SH2D4A: variants seen among roughly 807,000 people sequenced by gnomAD.
SH2D4A encodes the protein SH2 domain-containing protein 4A.
A neutral mutation model predicts 64.7 loss-of-function variants in SH2D4A; 70 were observed. The ratio of observed to expected loss-of-function variants is 1.08; its 90% CI spans 0.89 to 1.32. The LOEUF (loss-of-function observed/expected upper bound fraction) is 1.32, where lower values mean the gene tolerates loss of function less well. Among genes scored for constraint, SH2D4A ranks in the 40% most tolerant of loss-of-function variants. SH2D4A has a pLI of 0.00. For synonymous variants in SH2D4A, 268 were observed against 200.7 expected (o/e 1.34, Z -2.83); for missense variants, 706 against 540.1 (o/e 1.31, Z -3.04).
chr8:19,334,739 A>C lies in SH2D4A; in HGVS notation c.395A>C (p.His132Pro), dbSNP rs144376150. 1.2e-6 allele frequency: 2 copies of C among 1,614,016 alleles called. No homozygotes were observed. Among genetic ancestry groups the C allele is most frequent in the Non-Finnish European group, 1.7e-6 (2 of 1,179,980 alleles). Residue 132 changes from histidine (H) to proline (P), a missense_variant, in exon 4 of 10, where the codon CAT becomes CCT. Coordinates refer to ENST00000265807, the MANE Select transcript of SH2D4A (RefSeq NM_022071.4). ...TNSLKTKSQYHDLQAPDNQQT... is the reference protein window; with the variant it reads ...TNSLKTKSQYPDLQAPDNQQT... Reference sequence around the variant, plus strand: ...AGCTTGAAAACAAAATCACAGTACCATGATCTGCAGGCTCCGGATAACCAG... The same window carrying C: ...AGCTTGAAAACAAAATCACAGTACCCTGATCTGCAGGCTCCGGATAACCAG...
intron 4 of SH2D4A, among the ~76,000 whole-genome samples, chr8:19,344,701 G>A (rs953139038): frequency 1.5e-4 from 23 of 152,168 alleles, no homozygotes; most frequent in Non-Finnish European, 2.8e-4. Flanking sequence ...ACCCCTGTAG[G>A]CTGTCGGGTC....
chr8:19,354,427 G>T (rs1164185994), intron 4 of SH2D4A, among the ~76,000 whole-genome samples: 1 of 152,200 alleles, frequency 6.6e-6, no homozygotes, highest in Non-Finnish European at 1.5e-5. Flanking sequence ...ATGAGTGGAT[G>T]GTGTTGGCAG....
chr8:19,314,084 G>A (rs2052043995), intron 1 of SH2D4A: 2 of 1,190,768 alleles, frequency 1.7e-6, no homozygotes, highest in Non-Finnish European at 1.0e-6. Context: ...GGCTAGGTGA[G>A]CGGCGGTCCC....
chr8:19,333,286 C>A (rs374069109), intron 3 of SH2D4A, among the ~76,000 whole-genome samples, 172 bp downstream of exon 3: 1 of 152,062 alleles, frequency 6.6e-6, no homozygotes, highest in Non-Finnish European at 1.5e-5. Flanking sequence ...GGTCTAAAGA[C>A]CTTTTGGATC....
intron 7 of SH2D4A, among the ~76,000 whole-genome samples, chr8:19,364,932 A>G (rs972859934): frequency 3.3e-5 from 5 of 152,184 alleles, no homozygotes; most frequent in Admixed American, 1.3e-4. Flanking sequence ...GAAAAGTGCA[A>G]TGATGCTATT....
At chr8:19,338,012 T>C (rs1398148335) in intron 4 of SH2D4A, among the ~76,000 whole-genome samples, 1 of 152,224 alleles carries the variant, frequency 6.6e-6, no homozygotes, top group African/African-American at 2.4e-5. Flanking sequence ...GGCATAGCCC[T>C]GCACAGCCTT....
chr8:19,331,126 CT>C, intron 2 of SH2D4A, among the ~76,000 whole-genome samples: 1 of 152,186 alleles, frequency 6.6e-6, no homozygotes, highest in Non-Finnish European at 1.5e-5. Context: ...GGAGTGTCCA[CT>C]GTACCAAGAA....
rs567333972 is a variant in SH2D4A at position 19,362,372 on chromosome 8, C to T, written c.706+1058C>T. Among the ~76,000 whole-genome samples, 4 of 152,298 alleles carry T rather than the reference C, an allele frequency of 2.6e-5. No individual in the cohort carries two copies. In the South Asian group the frequency reaches 8.3e-4, roughly 32 times the overall value. Reference sequence around the variant, plus strand: ...ATTTTTACATTCTGCATTTGAGTCTCATTGCTATAACAAAAAATTCTGTTT... The same window carrying T: ...ATTTTTACATTCTGCATTTGAGTCTTATTGCTATAACAAAAAATTCTGTTT... On this transcript the variant is annotated intron_variant, in intron 6 of 9. Coordinates refer to ENST00000265807, the MANE Select transcript of SH2D4A (RefSeq NM_022071.4).
chr8:19,356,102 G>T (rs540425579), intron 4 of SH2D4A, among the ~76,000 whole-genome samples: 1 of 152,310 alleles, frequency 6.6e-6, no homozygotes, highest in African/African-American at 2.4e-5. Context: ...CCCAAAGGAA[G>T]GTGGAAGTGG....
At chr8:19,335,318 T>C (rs2052430307) in intron 4 of SH2D4A, among the ~76,000 whole-genome samples, 1 of 151,904 alleles carries the variant, frequency 6.6e-6, no homozygotes, top group South Asian at 2.1e-4. Flanking sequence ...ATCCTCTTGC[T>C]CATGTCACTT....
At chr8:19,344,827 A>G (rs1044402558) in intron 4 of SH2D4A, among the ~76,000 whole-genome samples, 5 of 152,196 alleles carry the variant, frequency 3.3e-5, no homozygotes, top group Admixed American at 1.3e-4. Context: ...ACTATGTAAT[A>G]TATAATGCCT....
chr8:19,393,920 C>G (rs1371482426), intron 9 of SH2D4A, among the ~76,000 whole-genome samples: 1 of 152,150 alleles, frequency 6.6e-6, no homozygotes, highest in Non-Finnish European at 1.5e-5. Context: ...GATTTAAGCA[C>G]ATTACATTGA....
intron 1 of SH2D4A, among the ~76,000 whole-genome samples, chr8:19,317,490 A>G (rs2052109484): frequency 1.0e-5 from 1 of 95,584 alleles, no homozygotes; most frequent in Non-Finnish European, 2.3e-5. Context: ...GGTTGCAGTC[A>G]GTAGGGATAG....
At chr8:19,381,764 T>C (rs960887623) in intron 8 of SH2D4A, among the ~76,000 whole-genome samples, 1 of 152,200 alleles carries the variant, frequency 6.6e-6, no homozygotes, top group Non-Finnish European at 1.5e-5. Context: ...ATAAGTATGA[T>C]GTTTGCTGTG....
intron 4 of SH2D4A, among the ~76,000 whole-genome samples, chr8:19,345,114 G>T (rs540679387): frequency 6.6e-6 from 1 of 152,162 alleles, no homozygotes; most frequent in African/African-American, 2.4e-5. Context: ...CTTTTAAATT[G>T]TTTAGTGATC....
At chr8:19,314,280 C>A (rs1243325525) in intron 1 of SH2D4A, among the ~76,000 whole-genome samples, 1 of 152,164 alleles carries the variant, frequency 6.6e-6, no homozygotes, top group Admixed American at 6.5e-5. Context: ...AGCAGGAGCA[C>A]GTCCTCGACT....
In SH2D4A at chr8:19,357,292, C is replaced by A. The variant is rs752720623; in HGVS notation, c.594+9C>A. On this transcript the variant is annotated intron_variant, in intron 5 of 9. Coordinates refer to ENST00000265807, the MANE Select transcript of SH2D4A (RefSeq NM_022071.4). Reference sequence around the variant, plus strand: ...CATATGCATTTCACCAGGTAAAAGACTTCCCTTCTGTCCTCCGGGGGCTGC... The same window carrying A: ...CATATGCATTTCACCAGGTAAAAGAATTCCCTTCTGTCCTCCGGGGGCTGC... 1.6e-5 allele frequency: 26 copies of A among 1,602,952 alleles called. No individual in the cohort carries two copies. In the South Asian group the frequency reaches 2.4e-4, roughly 15 times the overall value.
intron 5 of SH2D4A, among the ~76,000 whole-genome samples, chr8:19,357,925 G>C (rs909400116): frequency 3.3e-5 from 5 of 152,054 alleles, no homozygotes; most frequent in Non-Finnish European, 7.4e-5. Context: ...TGAAGAGAAG[G>C]TTCCTGAGAT....
At chr8:19,388,811 T>A (rs1417345534) in intron 8 of SH2D4A, among the ~76,000 whole-genome samples, 1 of 152,212 alleles carries the variant, frequency 6.6e-6, no homozygotes, top group Non-Finnish European at 1.5e-5. Context: ...TAAACTCTTT[T>A]TCGGTCATCT....
Sources: gnomAD v4.1 joint callset for allele counts (sites outside exome capture counted in the v4.1 genomes callset) on GRCh38, gnomAD v4.1.1 for gene constraint, MANE v1.5 for transcripts, NCBI Gene and HGNC (gene_info 2026-07-23, HGNC 2026-07-21) for gene names.